The following DOCK4 variants were observed in gnomAD, a reference collection of about 807,000 sequenced individuals.
DOCK4 encodes dedicator of cytokinesis protein 4.
A neutral mutation model predicts 268.1 loss-of-function variants in DOCK4; 97 were observed. The ratio of observed to expected loss-of-function variants is 0.36; its 90% confidence interval spans 0.31 to 0.43. DOCK4 has a LOEUF of 0.43. Ranked by LOEUF, DOCK4 falls within the 20% of genes least tolerant of loss-of-function variation. The probability of loss-of-function intolerance (pLI) is 1.00; values close to 1 mark genes in which losing one functional copy is unlikely to be tolerated. For synonymous variants in DOCK4, 954 were observed against 887.2 expected, an observed-to-expected ratio of 1.08 and a Z score of -1.34; for missense variants, 2,145 against 2,455.7, an observed-to-expected ratio of 0.87 and a Z score of 2.67.
rs1808495441 is a variant in DOCK4 at position 111,893,867 on chromosome 7, A to G, written c.1587+1745T>C. ...TGTGGTCAATAAACATGTTGAACAA[A>G]TAATGAGAAAATGAATGATTAAAGA... is the stretch of plus-strand genomic sequence containing the variant. On this transcript the variant is annotated intron_variant, in intron 16 of 52. Transcript: ENST00000428084. 2.0e-5 allele frequency among the ~76,000 whole-genome samples: 3 copies of G among 152,250 alleles called. 1 individual carries two copies. In the South Asian group the frequency reaches 6.2e-4, roughly 31 times the overall value.
chr7:111,900,035 G>A (rs1011608115), intron 15 of DOCK4, among the ~76,000 whole-genome samples: 1 of 152,234 alleles, frequency 6.6e-6, no homozygotes, highest in Non-Finnish European at 1.5e-5. Flanking sequence ...AGAGAGTACA[G>A]TGATGCAGAT....
At chr7:111,735,281 A>G in intron 50 of DOCK4, 114 bp from the exon 51 acceptor site, 1 of 679,080 alleles carries the variant, frequency 1.5e-6, no homozygotes, top group South Asian at 2.2e-5. Flanking sequence ...TGGATGAAAA[A>G]CAAAACAGGA....
intron 39 of DOCK4, among the ~76,000 whole-genome samples, chr7:111,761,595 G>A (rs1397574782): frequency 6.6e-6 from 1 of 152,056 alleles, no homozygotes; most frequent in Non-Finnish European, 1.5e-5. Context: ...CTGTTTTTCC[G>A]CTCTATGAGG....
intron 34 of DOCK4, among the ~76,000 whole-genome samples, chr7:111,783,175 A>G (rs1798905153): frequency 6.6e-6 from 1 of 152,158 alleles, no homozygotes; most frequent in African/African-American, 2.4e-5. Flanking sequence ...TAAGAATTTC[A>G]TTGCCATGTC....
At chr7:112,001,268 T>C (rs1423187145) in intron 2 of DOCK4, among the ~76,000 whole-genome samples, 4 of 152,190 alleles carry the variant, frequency 2.6e-5, no homozygotes, top group African/African-American at 9.7e-5. Flanking sequence ...GCAAAAATAC[T>C]ACATGGAAAA....
chr7:111,873,390 G>C (rs912295096), intron 17 of DOCK4, among the ~76,000 whole-genome samples: 1 of 152,214 alleles, frequency 6.6e-6, no homozygotes, highest in East Asian at 1.9e-4. Context: ...GGCATCTGGA[G>C]GCCAATGAAT....
At chr7:111,826,498 C>T (rs1802400703) in intron 26 of DOCK4, among the ~76,000 whole-genome samples, 1 of 152,014 alleles carries the variant, frequency 6.6e-6, no homozygotes, top group East Asian at 1.9e-4. Flanking sequence ...AGACACAAGA[C>T]AGGATAGGCT....
intron 39 of DOCK4, among the ~76,000 whole-genome samples, chr7:111,762,564 T>A (rs957091734): frequency 6.6e-6 from 1 of 152,094 alleles, no homozygotes; most frequent in Non-Finnish European, 1.5e-5. Context: ...TGCATAGATA[T>A]GCTGTGTTTT....
intron 1 of DOCK4, among the ~76,000 whole-genome samples, chr7:112,193,095 T>C (rs1265002450): frequency 6.6e-6 from 1 of 152,192 alleles, no homozygotes; most frequent in Non-Finnish European, 1.5e-5. Flanking sequence ...TTAAAAATGC[T>C]AACCTATATG....
intron 15 of DOCK4, among the ~76,000 whole-genome samples, chr7:111,900,104 C>G (rs1791015133): frequency 6.6e-6 from 1 of 152,194 alleles, no homozygotes; most frequent in African/African-American, 2.4e-5. Flanking sequence ...GCTTCACATG[C>G]CATGAAAAGT....
intron 1 of DOCK4, among the ~76,000 whole-genome samples, chr7:112,104,026 C>G (rs978707411): frequency 6.6e-5 from 10 of 152,182 alleles, no homozygotes; most frequent in African/African-American, 2.4e-4. Context: ...TCTGGGGGAC[C>G]ACCTAGCAGC....
At chr7:112,001,232 T>A (rs1221144100) in intron 2 of DOCK4, among the ~76,000 whole-genome samples, 1 of 152,140 alleles carries the variant, frequency 6.6e-6, no homozygotes, top group Non-Finnish European at 1.5e-5. Context: ...TTTCCACGGT[T>A]TCAGTTACTC....
intron 28 of DOCK4, among the ~76,000 whole-genome samples, chr7:111,809,918 T>C (rs1440360495): frequency 6.6e-6 from 1 of 152,150 alleles, no homozygotes; most frequent in Non-Finnish European, 1.5e-5. Context: ...AGGCAAATCT[T>C]TTAAGTTTTC....
At chr7:112,101,913 G>C (rs1810731451) in intron 1 of DOCK4, among the ~76,000 whole-genome samples, 1 of 151,566 alleles carries the variant, frequency 6.6e-6, no homozygotes, top group Admixed American at 6.6e-5. Flanking sequence ...CGCGATCTCG[G>C]CTTACTGCAA....
chr7:112,130,413 T>C (rs1813695208), intron 1 of DOCK4, among the ~76,000 whole-genome samples: 1 of 152,222 alleles, frequency 6.6e-6, no homozygotes, highest in South Asian at 2.1e-4. Flanking sequence ...GCCTACATTA[T>C]ATTTCTCTTC....
chr7:111,917,495 TGA>T (rs935167254), intron 12 of DOCK4, among the ~76,000 whole-genome samples: 41 of 151,928 alleles, frequency 2.7e-4, no homozygotes, highest in Non-Finnish European at 4.1e-4. Context: ...AGGCGGATCA[TGA>T]GGTCAGGAGA....
intron 1 of DOCK4, among the ~76,000 whole-genome samples, chr7:112,047,123 C>T (rs1043283008): frequency 1.3e-5 from 2 of 152,130 alleles, no homozygotes; most frequent in African/African-American, 4.8e-5. Context: ...CCTCCTAATT[C>T]GTGGGACACT....
At chr7:112,138,269 T>A (rs1009152586) in intron 1 of DOCK4, among the ~76,000 whole-genome samples, 6 of 152,246 alleles carry the variant, frequency 3.9e-5, no homozygotes, top group African/African-American at 1.4e-4. Flanking sequence ...CTCTTAATTA[T>A]CACTGTTAAA....
intron 36 of DOCK4, among the ~76,000 whole-genome samples, chr7:111,776,739 T>C (rs1403272458): frequency 6.6e-6 from 1 of 152,186 alleles, no homozygotes; most frequent in Non-Finnish European, 1.5e-5. Flanking sequence ...CCCATACATA[T>C]AATAATCAAA....
Sources: allele counts gnomAD v4.1 joint callset (sites outside exome capture counted in the v4.1 genomes callset), GRCh38; gene constraint gnomAD v4.1.1; transcripts MANE v1.5; gene names NCBI Gene and HGNC (gene_info 2026-07-23, HGNC 2026-07-21).